Variants in CLVS1 observed in about 807,000 individuals in gnomAD.
The protein encoded by CLVS1 is clavesin-1.
In CLVS1, 10 loss-of-function variants were observed where a neutral mutation model predicts 33.1. The ratio of observed to expected loss-of-function variants is 0.30; its 90% confidence interval spans 0.19 to 0.51. The LOEUF is 0.51. CLVS1 is among the 20% of genes least tolerant of loss of function. The pLI, the probability that CLVS1 is intolerant of heterozygous loss-of-function variation, is 0.97. For synonymous variants in CLVS1, 163 were observed against 166.1 expected (o/e 0.98, Z 0.14); for missense variants, 343 against 433.4 (o/e 0.79, Z 1.85).
chr8:61,447,902 TC>T (rs1816814628), intron 3 of CLVS1, among the ~76,000 whole-genome samples: 1 of 152,160 alleles, frequency 6.6e-6, no homozygotes, highest in South Asian at 2.1e-4. Context: ...ATAATTTCCT[TC>T]CTGTTTAGGA....
intron 1 of CLVS1, among the ~76,000 whole-genome samples, chr8:61,058,267 A>G (rs534081889): frequency 2.0e-4 from 30 of 152,298 alleles, no homozygotes; most frequent in Admixed American, 9.2e-4. Flanking sequence ...TGTGCAGGAC[A>G]GGATGTGTTT....
intron 1 of CLVS1, among the ~76,000 whole-genome samples, chr8:61,296,328 G>A (rs975876667): frequency 6.6e-6 from 1 of 152,178 alleles, no homozygotes; most frequent in Non-Finnish European, 1.5e-5. Context: ...ATAGATTGGA[G>A]GCATAGCTAT....
chr8:61,175,200 A>G (rs1411832763), intron 2 of CLVS1, among the ~76,000 whole-genome samples: 4 of 152,196 alleles, frequency 2.6e-5, no homozygotes, highest in Non-Finnish European at 4.4e-5. Context: ...CCTAATCTCA[A>G]TGTGATGGTG....
the CLVS1 span, among the ~76,000 whole-genome samples, chr8:60,986,545 T>A: frequency 6.6e-6 from 1 of 152,212 alleles, no homozygotes; most frequent in South Asian, 2.1e-4. Context: ...ACTTAAGAAC[T>A]TAGGAGTTTT....
chr8:61,472,119 CCT>C (rs1208802530), intron 5 of CLVS1, among the ~76,000 whole-genome samples: 3 of 152,226 alleles, frequency 2.0e-5, no homozygotes, highest in Non-Finnish European at 2.9e-5. Flanking sequence ...TCCCCATGCC[CCT>C]CTCTTCCCAT....
At chr8:61,385,337 C>T (rs529662278) in intron 3 of CLVS1, among the ~76,000 whole-genome samples, 2 of 152,114 alleles carry the variant, frequency 1.3e-5, no homozygotes, top group Non-Finnish European at 2.9e-5. Context: ...GTTCTGAATA[C>T]ACTATGTAAT....
chr8:61,033,047 A>AGGAAGGAAGGAAGGAAGG, the CLVS1 span, among the ~76,000 whole-genome samples: 27 of 77,964 alleles, frequency 3.5e-4, 1 homozygote, highest in African/African-American at 1.1e-3. Flanking sequence ...GAAAGAAAGA[A>AGGAAGGAAGGAAGGAAGG]AAAGAAAGAA....
At chr8:61,237,277 A>C (rs185546891) in intron 2 of CLVS1, among the ~76,000 whole-genome samples, 10 of 152,258 alleles carry the variant, frequency 6.6e-5, no homozygotes, top group African/African-American at 2.4e-4. Context: ...TGTAAGGGCA[A>C]AATAGGAAAA....
the CLVS1 span, among the ~76,000 whole-genome samples, chr8:60,973,998 A>G: frequency 6.6e-6 from 1 of 152,170 alleles, no homozygotes; most frequent in Non-Finnish European, 1.5e-5. Flanking sequence ...AAGGAGATCT[A>G]TATTTATTCA....
At chr8:61,382,717 G>A (rs773915684) in intron 3 of CLVS1, among the ~76,000 whole-genome samples, 20 of 152,268 alleles carry the variant, frequency 1.3e-4, no homozygotes, top group South Asian at 1.0e-3. Flanking sequence ...CATAGATCTA[G>A]AGCAGAGCCC....
intron 2 of CLVS1, among the ~76,000 whole-genome samples, chr8:61,217,181 AT>A (rs1263497534): frequency 6.6e-6 from 1 of 152,050 alleles, no homozygotes; most frequent in East Asian, 1.9e-4. Context: ...CTATAGGTGG[AT>A]TTTGTTTTGA....
At chr8:61,224,317 G>A (rs1808283827) in intron 2 of CLVS1, among the ~76,000 whole-genome samples, 1 of 152,040 alleles carries the variant, frequency 6.6e-6, no homozygotes, top group Non-Finnish European at 1.5e-5. Flanking sequence ...TCTAGTTTTG[G>A]TCTTTGAGAC....
At chr8:61,475,794 A>C (rs1300962410) in intron 5 of CLVS1, among the ~76,000 whole-genome samples, 1 of 151,944 alleles carries the variant, frequency 6.6e-6, no homozygotes, top group Non-Finnish European at 1.5e-5. Context: ...GAAGCTCTTT[A>C]GTTTAATTAG....
chr8:61,345,069 A>G (rs1812164068), intron 2 of CLVS1, among the ~76,000 whole-genome samples: 1 of 152,130 alleles, frequency 6.6e-6, no homozygotes, highest in Non-Finnish European at 1.5e-5. Flanking sequence ...TTTAGTGGCA[A>G]TTTTCTAAAC....
intron 3 of CLVS1, among the ~76,000 whole-genome samples, chr8:61,437,346 C>T (rs1322798150): frequency 6.6e-6 from 1 of 152,188 alleles, no homozygotes; most frequent in Non-Finnish European, 1.5e-5. Context: ...CAGGTAATCT[C>T]TTGAAGCTAC....
chr8:61,467,672 T>C (rs538001162), intron 5 of CLVS1, among the ~76,000 whole-genome samples: 1 of 152,316 alleles, frequency 6.6e-6, no homozygotes, highest in East Asian at 1.9e-4. Context: ...AGGTAGTTCC[T>C]GCCATGGCCA....
chr8:61,390,397 A>G (rs1814256708), intron 3 of CLVS1, among the ~76,000 whole-genome samples: 1 of 152,216 alleles, frequency 6.6e-6, no homozygotes, highest in Admixed American at 6.5e-5. Flanking sequence ...GATGACATGA[A>G]GAATTCTTTA....
chr8:61,188,457 A>G (rs1468972506), intron 2 of CLVS1, among the ~76,000 whole-genome samples: 1 of 151,888 alleles, frequency 6.6e-6, no homozygotes, highest in Non-Finnish European at 1.5e-5. Flanking sequence ...ACAGATAGAG[A>G]AAAAGACCTT....
intron 1 of CLVS1, among the ~76,000 whole-genome samples, chr8:61,295,651 C>A (rs1810169028): frequency 6.6e-6 from 1 of 152,064 alleles, no homozygotes; most frequent in Non-Finnish European, 1.5e-5. Context: ...ATAATAAAAT[C>A]TCTCTGCTAC....
Sources: allele counts gnomAD v4.1 joint callset (sites outside exome capture counted in the v4.1 genomes callset), GRCh38; gene constraint gnomAD v4.1.1; transcripts MANE v1.5; gene names NCBI Gene and HGNC (gene_info 2026-07-23, HGNC 2026-07-21).